Variants in RAB3GAP1 observed in about 807,000 individuals in gnomAD.
RAB3GAP1 encodes the protein rab3 GTPase-activating protein catalytic subunit.
Under a neutral mutation model 130.7 loss-of-function variants are expected in RAB3GAP1, and 86 were observed. The observed-to-expected ratio is 0.66, with a 90% CI of 0.55 to 0.79. RAB3GAP1 has a LOEUF of 0.79. RAB3GAP1 is among the 30% of genes least tolerant of loss of function. The probability of loss-of-function intolerance (pLI) is 0.00; values close to 1 mark genes in which losing one functional copy is unlikely to be tolerated. For missense variants in RAB3GAP1, 1,029 were observed against 1,169.4 expected (o/e 0.88, Z 1.75); for synonymous variants, 367 against 401.7 (o/e 0.91, Z 1.03).
chr2:135,147,252 A>C (rs1473606803), intron 17 of RAB3GAP1, among the ~76,000 whole-genome samples: 1 of 151,882 alleles, frequency 6.6e-6, no homozygotes, highest in South Asian at 2.1e-4. Context: ...AGGCTGAGGC[A>C]TGAGAATTGC....
intron 7 of RAB3GAP1, among the ~76,000 whole-genome samples, chr2:135,116,914 T>TA (rs1348623817): frequency 3.3e-5 from 5 of 152,196 alleles, no homozygotes; most frequent in Admixed American, 6.5e-5. Flanking sequence ...AATTTCTTTT[T>TA]AAATAGATAA....
At chr2:135,108,658 C>T (rs1690701507) in intron 5 of RAB3GAP1, among the ~76,000 whole-genome samples, 1 of 152,010 alleles carries the variant, frequency 6.6e-6, no homozygotes, top group Non-Finnish European at 1.5e-5. Flanking sequence ...ATTCTCTTGA[C>T]AGTGTCTTTT....
chr2:135,172,187 T>C (rs527429562), downstream of RAB3GAP1, among the ~76,000 whole-genome samples: 30 of 152,096 alleles, frequency 2.0e-4, no homozygotes, highest in African/African-American at 7.2e-4. Flanking sequence ...CCCAGCACTT[T>C]GGGAGGCCGA....
intron 17 of RAB3GAP1, among the ~76,000 whole-genome samples, chr2:135,141,746 G>A (rs187637677): frequency 1.2e-4 from 18 of 152,306 alleles, no homozygotes; most frequent in Admixed American, 1.0e-3. Flanking sequence ...AAGAGGAACA[G>A]GTTAAGATTC....
chr2:135,160,052 A>G (rs1344984881), intron 19 of RAB3GAP1, among the ~76,000 whole-genome samples: 3 of 152,218 alleles, frequency 2.0e-5, no homozygotes, highest in Non-Finnish European at 4.4e-5. Context: ...GATGAAAGAA[A>G]ATATTCTGGA....
Position 135,162,593 on chromosome 2 carries a change from T to C in RAB3GAP1, c.2328T>C (p.Leu776=). ...HYLAIQKPAD[L]ARHLLPCVIH... ...TGGCAATCCAGAAACCTGCAGACCT[T>C]GCTCGGCACCTGTTACCTTGTGTGA... The change falls in exon 20 of 24, where the codon CTT becomes CTC. Residue 776 remains leucine (L), a synonymous_variant. Coordinates refer to ENST00000264158, the MANE Select transcript of RAB3GAP1 (RefSeq NM_012233.3). The C allele has an allele frequency of 6.2e-7, 1 of 1,614,136 alleles. No individual in the cohort carries two copies. The highest frequency in any genetic ancestry group is 8.5e-7 in the Non-Finnish European group (1 of 1,180,002).
intron 5 of RAB3GAP1, among the ~76,000 whole-genome samples, chr2:135,105,177 C>G (rs1690557773): frequency 7.8e-6 from 1 of 129,004 alleles, no homozygotes; most frequent in East Asian, 2.3e-4. Context: ...AATGTGAGCT[C>G]TCCCTCTCCC....
At chr2:135,072,646 T>C (rs1445689162) in intron 3 of RAB3GAP1, among the ~76,000 whole-genome samples, 2 of 152,218 alleles carry the variant, frequency 1.3e-5, no homozygotes, top group African/African-American at 4.8e-5. Flanking sequence ...CTTGGACTTT[T>C]TGACTTGTCC....
intron 3 of RAB3GAP1, among the ~76,000 whole-genome samples, chr2:135,060,256 A>ATTTTTTTT (rs60562266): frequency 5.5e-5 from 6 of 109,854 alleles, no homozygotes; most frequent in Non-Finnish European, 9.0e-5. Context: ...TAACTGCTTG[A>ATTTTTTTT]TTTTTTTTTT....
At chr2:135,130,880 A>C (rs1691516925) in intron 13 of RAB3GAP1, among the ~76,000 whole-genome samples, 159 bp downstream of exon 13, 1 of 152,230 alleles carries the variant, frequency 6.6e-6, no homozygotes, top group South Asian at 2.1e-4. Flanking sequence ...TGAGAAGGAA[A>C]GTAAATAGTA....
chr2:135,143,581 G>A (rs1269027189), intron 17 of RAB3GAP1, among the ~76,000 whole-genome samples: 6 of 136,704 alleles, frequency 4.4e-5, no homozygotes, highest in Admixed American at 2.2e-4. Flanking sequence ...TTTTTGAGAC[G>A]GAGTCTTGCT....
chr2:135,069,189 C>T (rs964375380), intron 3 of RAB3GAP1, among the ~76,000 whole-genome samples: 2 of 152,180 alleles, frequency 1.3e-5, no homozygotes, highest in African/African-American at 4.8e-5. Context: ...CCCCAGAATA[C>T]ACGATTAACC....
In RAB3GAP1 at chr2:135,118,085, A is replaced by G. The variant is rs551683606; in HGVS notation, c.648+2704A>G. Among the ~76,000 whole-genome samples, 4 of 152,204 alleles carry G rather than the reference A, an allele frequency of 2.6e-5. No homozygotes were observed. In the South Asian group the frequency reaches 8.3e-4, roughly 32 times the overall value. ...GGTCTTCAACTCCTAGGCTCAAGCA[A>G]TCCGCCTGCCCAACCTCCCAAAGTG... On this transcript the variant is annotated intron_variant, in intron 7 of 23. Transcript: ENST00000264158.
intron 17 of RAB3GAP1, among the ~76,000 whole-genome samples, chr2:135,137,929 G>T (rs1691721178): frequency 6.6e-6 from 1 of 151,580 alleles, no homozygotes; most frequent in African/African-American, 2.4e-5. Context: ...GGGATCAAGT[G>T]ATCCTCCCAC....
At chr2:135,109,536 A>G (rs987481874) in intron 5 of RAB3GAP1, among the ~76,000 whole-genome samples, 9 of 151,822 alleles carry the variant, frequency 5.9e-5, no homozygotes, top group Non-Finnish European at 4.4e-5. Context: ...TCCATTTTAA[A>G]TATTGATATA....
rs150498679 is a variant in RAB3GAP1, at chr2:135,119,290, A to G, written c.649-1529A>G. ...CTGCCCGGCTAATTTTTGTATTTTT[A>G]TTAGAAATGGGGTTTCACCATGTTG... On this transcript the variant is annotated intron_variant, in intron 7 of 23. Transcript: ENST00000264158. 3.0e-3 allele frequency among the ~76,000 whole-genome samples: 455 copies of G among 152,204 alleles called. 3 individuals are homozygous for G. Among genetic ancestry groups the G allele is most frequent in the African/African-American group, 0.01 (422 of 41,532 alleles).
intron 17 of RAB3GAP1, 135 bp from the exon 18 acceptor site, chr2:135,150,234 C>T: frequency 9.6e-7 from 1 of 1,046,044 alleles, no homozygotes; most frequent in Non-Finnish European, 1.4e-6. Flanking sequence ...AAAACTTATG[C>T]ATTTCTCTGA....
At chr2:135,068,259 C>G (rs1178679265) in intron 3 of RAB3GAP1, among the ~76,000 whole-genome samples, 1 of 152,028 alleles carries the variant, frequency 6.6e-6, no homozygotes, top group African/African-American at 2.4e-5. Context: ...AATTAAGTAT[C>G]TTTTTAGACA....
downstream of RAB3GAP1, among the ~76,000 whole-genome samples, chr2:135,171,320 T>G (rs1385229851): frequency 2.0e-5 from 3 of 152,052 alleles, no homozygotes; most frequent in Non-Finnish European, 4.4e-5. Flanking sequence ...ACTGAAGGGT[T>G]TTGTGCAGGG....
Sources: allele counts gnomAD v4.1 joint callset (sites outside exome capture counted in the v4.1 genomes callset), GRCh38; gene constraint gnomAD v4.1.1; transcripts MANE v1.5; gene names NCBI Gene and HGNC (gene_info 2026-07-23, HGNC 2026-07-21).